Variants in CHSY1 observed in about 807,000 individuals in gnomAD.
The protein encoded by CHSY1 is chondroitin sulfate synthase 1, also known as N-acetylgalactosaminyl-proteoglycan 3-beta-glucuronosyltransferase 1.
In CHSY1, 13 loss-of-function variants were observed where a neutral mutation model predicts 59.8. The observed-to-expected ratio is 0.22, with a 90% CI of 0.14 to 0.35. CHSY1 has a LOEUF of 0.35. Ranked by LOEUF, CHSY1 falls within the 10% of genes least tolerant of loss-of-function variation. The probability of loss-of-function intolerance (pLI) is 1.00; values close to 1 mark genes in which losing one functional copy is unlikely to be tolerated. For missense variants in CHSY1, 947 were observed against 1,030.6 expected (o/e 0.92, Z 1.11); for synonymous variants, 459 against 401.2 (o/e 1.14, Z -1.72).
At chr15:101,193,727 G>A (rs1460556763) in intron 2 of CHSY1, among the ~76,000 whole-genome samples, 2 of 152,334 alleles carry the variant, frequency 1.3e-5, no homozygotes, top group Non-Finnish European at 2.9e-5. Flanking sequence ...GAGTGGGAAA[G>A]TCCTCTATTT....
chr15:101,195,059 G>A lies in CHSY1; in HGVS notation c.817-16079C>T, dbSNP rs147314224. The stretch of plus-strand genomic sequence containing the variant: ...TAACCCACGCGACTCTTAAAATGCC[G>A]TCAAGTAGAAACATTTACATCACTT... On this transcript the variant is annotated intron_variant, in intron 2 of 2. Coordinates refer to ENST00000254190, the MANE Select transcript of CHSY1 (RefSeq NM_014918.5). Among the ~76,000 whole-genome samples, 224 of 152,220 alleles carry A rather than the reference G, an allele frequency of 1.5e-3. 2 individuals carry two copies. The East Asian group carries it at 0.028, about 19-fold the overall frequency.
intron 2 of CHSY1, among the ~76,000 whole-genome samples, chr15:101,219,815 G>A (rs2038771031): frequency 6.6e-6 from 1 of 152,226 alleles, no homozygotes; most frequent in Admixed American, 6.5e-5. Context: ...TGCCCAGGCT[G>A]GAGTGCAATG....
intron 2 of CHSY1, among the ~76,000 whole-genome samples, chr15:101,224,541 T>C (rs1356837527): frequency 6.6e-6 from 1 of 152,262 alleles, no homozygotes; most frequent in East Asian, 1.9e-4. Context: ...AAGTGTAAGA[T>C]TCACCAGAGA....
chr15:101,232,189 T>C (rs766866844), intron 2 of CHSY1, among the ~76,000 whole-genome samples: 40 of 152,212 alleles, frequency 2.6e-4, no homozygotes, highest in Non-Finnish European at 5.7e-4. Context: ...GCTAGGCTTA[T>C]AATAGGGCAA....
chr15:101,178,005 C>T lies in CHSY1; in HGVS notation c.1792G>A (p.Asp598Asn), dbSNP rs1476339787. 8.7e-6 allele frequency: 14 copies of T among 1,614,158 alleles called. No homozygotes were observed. The highest frequency in any genetic ancestry group is 1.7e-5 in the Admixed American group (1 of 60,010). Residue 598 changes from aspartate (D) to asparagine (N), a missense_variant, in exon 3 of 3, where the codon GAC (aspartate) becomes AAC (asparagine). Around this residue, in one of 4 missense-constraint regions of CHSY1, gnomAD observed 602 missense variants for 676.9 expected, o/e 0.89. Transcript: ENST00000254190. ...CCAGACACAGGCAAAATCTGCATGT[C>T]GGCTTTAGGGTACTTAATGCGGTAA... is the stretch of plus-strand genomic sequence containing the variant. ...RDYRIKYPKA[D>N]MQILPVSGEF...
At chr15:101,217,604 G>A (rs1349403813) in intron 2 of CHSY1, among the ~76,000 whole-genome samples, 1 of 152,212 alleles carries the variant, frequency 6.6e-6, no homozygotes, top group African/African-American at 2.4e-5. Flanking sequence ...CAGGAGTGCA[G>A]AAGGAAGGGA....
intron 2 of CHSY1, among the ~76,000 whole-genome samples, chr15:101,205,560 C>T (rs1341718129): frequency 1.3e-5 from 2 of 152,144 alleles, no homozygotes; most frequent in Non-Finnish European, 2.9e-5. Context: ...CAAAACTGAG[C>T]TTGATTTTTC....
Position 101,178,954 on chromosome 15 carries a change from G to A in CHSY1, c.843C>T (p.Tyr281=), listed in dbSNP as rs181121069. Residue 281 remains tyrosine (Y), a synonymous_variant, in exon 3 of 3, where the codon TAC becomes TAT. Coordinates refer to ENST00000254190, the MANE Select transcript of CHSY1 (RefSeq NM_014918.5). The part of the protein sequence containing the change: ...YEMQQLFYEN[Y]EQNKKGYIRD... ...TAATGTACCCCTTTTTGTTCTGCTC[G>A]TAATTCTCATAAAAAAGCTGCTGCA... is the stretch of plus-strand genomic sequence containing the variant. 174 of 1,613,822 alleles carry A rather than the reference G, an allele frequency of 1.1e-4. No individual in the cohort carries two copies. Among genetic ancestry groups the A allele is most frequent in the Admixed American group, 4.8e-4 (29 of 59,998 alleles).
At chr15:101,229,782 C>CTG (rs1275945485) in intron 2 of CHSY1, among the ~76,000 whole-genome samples, 1 of 151,950 alleles carries the variant, frequency 6.6e-6, no homozygotes, top group Non-Finnish European at 1.5e-5. Flanking sequence ...TGGCATACTC[C>CTG]TGTAATCCCA....
chr15:101,250,106 G>A (rs369431866), intron 1 of CHSY1, among the ~76,000 whole-genome samples: 2 of 152,154 alleles, frequency 1.3e-5, no homozygotes, highest in African/African-American at 2.4e-5. Flanking sequence ...AAAGGTATTG[G>A]TTATAAGAAC....
intron 2 of CHSY1, among the ~76,000 whole-genome samples, chr15:101,218,193 A>G (rs2038753609): frequency 6.6e-6 from 1 of 152,260 alleles, no homozygotes; most frequent in Non-Finnish European, 1.5e-5. Flanking sequence ...TGGCACAGAC[A>G]GGCGACAGGA....
intron 2 of CHSY1, chr15:101,187,842 T>A (rs1393732546): frequency 1.1e-5 from 2 of 177,072 alleles, no homozygotes; most frequent in Admixed American, 1.3e-4. Context: ...AGCAAAGCCA[T>A]CTCCCTTCCT....
chr15:101,193,654 G>C (rs548770018), intron 2 of CHSY1, among the ~76,000 whole-genome samples: 1 of 152,204 alleles, frequency 6.6e-6, no homozygotes, highest in Non-Finnish European at 1.5e-5. Context: ...CACAGTTTCT[G>C]ACCAAGTATG....
intron 2 of CHSY1, among the ~76,000 whole-genome samples, chr15:101,213,831 G>C (rs1407891626): frequency 6.6e-6 from 1 of 152,186 alleles, no homozygotes; most frequent in Non-Finnish European, 1.5e-5. Flanking sequence ...CCTACTGTGT[G>C]TAATTTCCTA....
rs905562370 is a variant in CHSY1 at position 101,223,594 on chromosome 15, C to G, written c.816+11488G>C. Among the ~76,000 whole-genome samples the G allele has an allele frequency of 3.4e-3, 457 of 135,716 alleles. 1 individual carries two copies. The highest frequency in any genetic ancestry group is 7.6e-3 in the South Asian group (29 of 3,792). 89.0% of individuals were successfully genotyped at this position (135,716 alleles called of 152,430 possible). On this transcript the variant is annotated intron_variant, in intron 2 of 2. Coordinates refer to ENST00000254190, the MANE Select transcript of CHSY1 (RefSeq NM_014918.5). ...GACTTCCACACTGGGACTCAGGCCT[C>G]GTCTACTACAGAGGACTTCCACACT...
At chr15:101,198,332 G>A (rs1596437712) in intron 2 of CHSY1, among the ~76,000 whole-genome samples, 3 of 152,244 alleles carry the variant, frequency 2.0e-5, no homozygotes, top group African/African-American at 2.4e-5. Context: ...ACAGTCCCCC[G>A]AAATCCTGGA....
At chr15:101,242,502 G>A (rs866040848) in intron 1 of CHSY1, 1 of 152,298 alleles carries the variant, frequency 6.6e-6, no homozygotes, top group Non-Finnish European at 1.5e-5. Context: ...ACATACTAAG[G>A]CCTGAGGGAA....
chr15:101,235,167 C>T lies in CHSY1; in HGVS notation c.731G>A (p.Arg244Gln), dbSNP rs386352292. 60 of 1,614,156 alleles carry T rather than the reference C, an allele frequency of 3.7e-5. No homozygotes were observed. In the African/African-American group the frequency reaches 5.7e-4, roughly 15 times the overall value. ...GTCCTCATGGGTGGTGTACATCTCC[C>T]GGAGACACTTGCCAATGTGCGGCAC... ...RMVPHIGKCL[R>Q]EMYTTHEDVE... Residue 244 changes from arginine to glutamine, a missense_variant, in exon 2 of 3, where the codon CGG (arginine) becomes CAG (glutamine). Transcript: ENST00000254190.
intron 2 of CHSY1, among the ~76,000 whole-genome samples, chr15:101,206,280 A>G (rs2038626032): frequency 6.6e-6 from 1 of 152,068 alleles, no homozygotes. Context: ...ACAAGGGAAA[A>G]CCCACCAGGT....
Sources: gnomAD v4.1 joint callset for allele counts (sites outside exome capture counted in the v4.1 genomes callset) on GRCh38, gnomAD v4.1.1 for gene constraint, gnomAD v4.1.1 regional missense constraint, MANE v1.5 for transcripts, NCBI Gene and HGNC (gene_info 2026-07-23, HGNC 2026-07-21) for gene names.